EPB41L2: variants seen among roughly 807,000 people sequenced by gnomAD.
EPB41L2 encodes the protein band 4.1-like protein 2.
EPB41L2 carries 43 observed loss-of-function variants against 113.0 expected under a neutral mutation model. That is an observed-to-expected ratio of 0.38 (90% CI 0.30 to 0.49). The LOEUF (loss-of-function observed/expected upper bound fraction) is 0.49, where lower values mean the gene tolerates loss of function less well. Among genes scored for constraint, EPB41L2 ranks in the 20% least tolerant of loss-of-function variants. EPB41L2 has a pLI of 0.95. For missense variants in EPB41L2, 1,147 were observed against 1,223.4 expected (o/e 0.94, Z 0.93); for synonymous variants, 442 against 436.7 (o/e 1.01, Z -0.15).
intron 1 of EPB41L2, among the ~76,000 whole-genome samples, chr6:131,054,073 C>T (rs770749111): frequency 1.3e-5 from 2 of 152,182 alleles, no homozygotes; most frequent in African/African-American, 2.4e-5. Context: ...TCCGGTCGGT[C>T]CTCATTCCAT....
intron 2 of EPB41L2, 51 bp from the exon 3 acceptor site, chr6:130,955,368 T>C (rs1005375328): frequency 1.3e-6 from 2 of 1,537,352 alleles, no homozygotes; most frequent in Non-Finnish European, 8.9e-7. Context: ...ACCTTGCAGA[T>C]GACAACATAC....
At chr6:130,859,633 G>T (rs1428223056) in intron 18 of EPB41L2, among the ~76,000 whole-genome samples, 1 of 151,058 alleles carries the variant, frequency 6.6e-6, no homozygotes, top group Admixed American at 6.6e-5. Context: ...TTTTTCTTTT[G>T]CTGTCAGCTG....
At chr6:131,008,668 A>G (rs1311602074) in intron 1 of EPB41L2, among the ~76,000 whole-genome samples, 1 of 152,248 alleles carries the variant, frequency 6.6e-6, no homozygotes, top group African/African-American at 2.4e-5. Flanking sequence ...CTGCAAAGCC[A>G]CAGGGGTGGA....
At position 130,885,245 on chromosome 6, in the gene EPB41L2, T is replaced by C; in HGVS notation, c.1684A>G (p.Ser562Gly). ...GCGCCAGGAAAATCCTTCATAAGAC[T>C]TTGGTCCATGACACCAATCGGAGCT... ...DGAPIGVMDQ[S>G]LMKDFPGAAG... Residue 562 changes from serine (S) to glycine (G), a missense_variant, in exon 12 of 20, where the codon AGT (serine) becomes GGT (glycine). Transcript: ENST00000337057. 6.2e-7 allele frequency: 1 copy of C among 1,614,114 alleles called. No homozygotes were observed. The highest frequency in any genetic ancestry group is 8.5e-7 in the Non-Finnish European group (1 of 1,180,002).
chr6:130,998,504 T>G (rs1200813986), intron 1 of EPB41L2, among the ~76,000 whole-genome samples: 1 of 152,140 alleles, frequency 6.6e-6, no homozygotes, highest in Non-Finnish European at 1.5e-5. Flanking sequence ...TTAGGATTAA[T>G]TACAAAATAA....
chr6:131,009,091 G>A (rs1786295800), intron 1 of EPB41L2, among the ~76,000 whole-genome samples: 1 of 152,152 alleles, frequency 6.6e-6, no homozygotes, highest in South Asian at 2.1e-4. Context: ...TTGCCTCTGT[G>A]TCCCCACTCC....
intron 10 of EPB41L2, among the ~76,000 whole-genome samples, chr6:130,893,066 T>C (rs1372452485): frequency 6.6e-6 from 1 of 152,152 alleles, no homozygotes; most frequent in Non-Finnish European, 1.5e-5. Flanking sequence ...GTAAAAAACA[T>C]GTCCTTGAAG....
intron 1 of EPB41L2, among the ~76,000 whole-genome samples, chr6:131,045,199 C>A (rs939288867): frequency 6.6e-6 from 1 of 151,862 alleles, no homozygotes; most frequent in Admixed American, 6.6e-5. Context: ...GGTTTCCACT[C>A]GTCTTTATTG....
rs779402544 is a variant in EPB41L2 at position 130,899,503 on chromosome 6, T to G, written c.1224A>C (p.Leu408=). 1 of 1,613,774 alleles carries G rather than the reference T, an allele frequency of 6.2e-7. No homozygotes were observed. The highest frequency in any genetic ancestry group is 8.5e-7 in the Non-Finnish European group (1 of 1,179,694). The stretch of plus-strand genomic sequence containing the variant: ...ACATTTACAGTACCTTGGCATGATG[T>G]AGGTCAACACCATACATGGAAAGCC... ...AKRLSMYGVD[L]HHAKDSEGVD... is the part of the protein sequence containing the mutation. The change falls in exon 8 of 20, where the codon CTA becomes CTC. Residue 408 remains leucine (L), a synonymous_variant. Transcript: ENST00000337057.
rs1054725845 is a variant in EPB41L2, at chr6:130,867,757, T to C, written c.2608-176A>G. ...AAAGAAATAAAAGAAAAATTTTCCT[T>C]CAAATATATCATATATACACATACA... is the stretch of plus-strand genomic sequence containing the variant. On this transcript the variant is annotated intron_variant, in intron 15 of 19. Coordinates refer to ENST00000337057, the MANE Select transcript of EPB41L2 (RefSeq NM_001431.4). 5 of 697,028 alleles carry C rather than the reference T, an allele frequency of 7.2e-6. No homozygotes were observed. The African/African-American group carries it at 9.1e-5, about 13-fold the overall frequency. The allele number at this position is 697,028 out of a possible 1,614,324, so 43.2% of individuals were successfully genotyped here.
Position 130,930,054 on chromosome 6 carries a change from AAAG to A in EPB41L2, c.706-3348_706-3346del, listed in dbSNP as rs546896974. Among the ~76,000 whole-genome samples, 26 of 152,170 alleles carry A rather than the reference AAAG, an allele frequency of 1.7e-4. No individual in the cohort carries two copies. In the South Asian group the frequency reaches 4.6e-3, roughly 27 times the overall value. ...AGTTATATACACCACTCATTCCCAA[AAAG>A]AGCAGCAGAGTGAGACAAGAAAAAT... On this transcript the variant is annotated intron_variant, in intron 3 of 19. Transcript: ENST00000337057.
At chr6:130,962,270 G>A (rs1773773085) in intron 1 of EPB41L2, among the ~76,000 whole-genome samples, 1 of 152,040 alleles carries the variant, frequency 6.6e-6, no homozygotes, top group Non-Finnish European at 1.5e-5. Flanking sequence ...AGGCAGGAGA[G>A]GTGGGGCAGA....
chr6:130,984,220 A>C (rs972014260), intron 1 of EPB41L2, among the ~76,000 whole-genome samples: 12 of 152,216 alleles, frequency 7.9e-5, no homozygotes, highest in African/African-American at 2.9e-4. Flanking sequence ...CTTTCTTCTC[A>C]AATACCTGCT....
chr6:130,848,199 T>TCACACACACACA (rs66469665), intron 19 of EPB41L2, among the ~76,000 whole-genome samples: 158 of 113,502 alleles, frequency 1.4e-3, no homozygotes, highest in African/African-American at 5.6e-3. Flanking sequence ...TCTCTCTCTC[T>TCACACACACACA]CACACACACA....
chr6:130,992,375 A>C (rs1052951884), intron 1 of EPB41L2, among the ~76,000 whole-genome samples: 2 of 152,128 alleles, frequency 1.3e-5, no homozygotes, highest in African/African-American at 4.8e-5. Flanking sequence ...CCCTAGGGGA[A>C]AGCCAGCAAT....
Position 130,955,213 on chromosome 6 carries a change from G to A in EPB41L2, c.597C>T (p.Thr199=), listed in dbSNP as rs1362584966. 3.1e-6 allele frequency: 5 copies of A among 1,613,802 alleles called. No homozygotes were observed. Among genetic ancestry groups the A allele is most frequent in the Non-Finnish European group, 3.4e-6 (4 of 1,180,006 alleles). The change falls in exon 3 of 20, where the codon ACC becomes ACT. Residue 199 remains threonine, a synonymous_variant. Coordinates refer to ENST00000337057, the MANE Select transcript of EPB41L2 (RefSeq NM_001431.4). ...AAKRETKEVQ[T]NELKAEKASQ... is the part of the protein sequence containing the mutation. ...ATGCCTTCTCTGCTTTCAGCTCATT[G>A]GTCTGCACTTCCTTGGTCTCCCTTT... is the stretch of plus-strand genomic sequence containing the variant.
At chr6:130,906,825 C>T (rs6922872) in intron 5 of EPB41L2, among the ~76,000 whole-genome samples, 2,568 of 152,250 alleles carry the variant, frequency 0.017, 66 homozygotes, top group African/African-American at 0.048. Flanking sequence ...GTAGATACAA[C>T]TGCTAAAGCT....
chr6:130,840,530 T>C lies in EPB41L2; in HGVS notation c.*74A>G, dbSNP rs1775123355. On this transcript the variant is annotated 3_prime_UTR_variant, in exon 20 of 20. Coordinates refer to ENST00000337057, the MANE Select transcript of EPB41L2 (RefSeq NM_001431.4). The stretch of plus-strand genomic sequence containing the variant: ...AATTCGCTGGAATAGTGGTGTGGCA[T>C]TAAGACTTGGAACGGTCAAAAAATC... 6.6e-6 allele frequency: 1 copy of C among 151,720 alleles called. No individual in the cohort carries two copies. The highest frequency in any genetic ancestry group is 1.5e-5 in the Non-Finnish European group (1 of 67,978). The allele number at this position is 151,720 out of a possible 1,614,324, so 9.4% of individuals were successfully genotyped here.
intron 3 of EPB41L2, among the ~76,000 whole-genome samples, chr6:130,937,446 C>T (rs948220043): frequency 3.3e-5 from 5 of 152,158 alleles, no homozygotes; most frequent in Non-Finnish European, 5.9e-5. Flanking sequence ...ATATGTGCTC[C>T]TTTTGTCCCT....
Sources: gnomAD v4.1 joint callset for allele counts (sites outside exome capture counted in the v4.1 genomes callset) on GRCh38, gnomAD v4.1.1 for gene constraint, MANE v1.5 for transcripts, NCBI Gene and HGNC (gene_info 2026-07-23, HGNC 2026-07-21) for gene names.